ERC2: variants seen among roughly 807,000 people sequenced by gnomAD.
The protein encoded by ERC2 is ELKS/RAB6-interacting/CAST family member 2, also known as ERC protein 2.
ERC2 carries 42 observed loss-of-function variants against 114.8 expected under a neutral mutation model. The ratio of observed to expected loss-of-function variants is 0.37; its 90% CI spans 0.29 to 0.47. The LOEUF is 0.47. Ranked by LOEUF, ERC2 falls within the 20% of genes least tolerant of loss-of-function variation. The pLI, the probability that ERC2 is intolerant of heterozygous loss-of-function variation, is 0.99. For synonymous variants in ERC2, 454 were observed against 425.5 expected, an observed-to-expected ratio of 1.07 and a Z score of -0.82; for missense variants, 939 against 1,150.7, an observed-to-expected ratio of 0.82 and a Z score of 2.66.
intron 14 of ERC2, among the ~76,000 whole-genome samples, chr3:55,773,759 C>T (rs2068398973): frequency 1.3e-5 from 2 of 152,154 alleles, no homozygotes; most frequent in Admixed American, 1.3e-4. Context: ...ACAGGTGTTC[C>T]TGGGAAAGGC....
intron 17 of ERC2, among the ~76,000 whole-genome samples, chr3:55,621,952 G>T (rs1301743094): frequency 6.6e-6 from 1 of 152,164 alleles, no homozygotes; most frequent in African/African-American, 2.4e-5. Flanking sequence ...GTGGGACTTT[G>T]TATTCACATG....
intron 6 of ERC2, among the ~76,000 whole-genome samples, chr3:56,091,973 C>A (rs73089265): frequency 0.13 from 20,089 of 150,088 alleles, 1,434 homozygotes; most frequent in East Asian, 0.16. Context: ...AGAAAAAAAA[C>A]CTATATTATA....
In ERC2 at chr3:55,509,591, A is replaced by G. The variant is rs2051951890; in HGVS notation, c.*1725T>C. The G allele has an allele frequency of 1.3e-5, 2 of 152,756 alleles. No homozygotes were observed. The highest frequency in any genetic ancestry group is 4.8e-5 in the African/African-American group (2 of 41,586). The allele number at this position is 152,756 out of a possible 1,614,324, so 9.5% of individuals were successfully genotyped here. A position where few individuals can be genotyped will look rare whatever the true frequency, so the allele number is the denominator to read the frequency against. ...ACTTACTGATGACAAGAACAAAGCC[A>G]GAAGCAAGAAACCTGCTTGAGTATC... On this transcript the variant is annotated 3_prime_UTR_variant, in exon 18 of 18. Coordinates refer to ENST00000288221, the MANE Select transcript of ERC2 (RefSeq NM_015576.3).
At chr3:55,754,518 A>C (rs966248663) in intron 14 of ERC2, among the ~76,000 whole-genome samples, 1 of 123,360 alleles carries the variant, frequency 8.1e-6, no homozygotes, top group Non-Finnish European at 1.9e-5. Flanking sequence ...AAAGGATTAA[A>C]GAAGTAGCAA....
intron 6 of ERC2, among the ~76,000 whole-genome samples, chr3:56,083,535 T>C (rs2077348773): frequency 6.6e-6 from 1 of 152,092 alleles, no homozygotes; most frequent in African/African-American, 2.4e-5. Flanking sequence ...ATTTATACTT[T>C]GATATAATTA....
intron 17 of ERC2, 141 bp downstream of exon 17, chr3:55,683,653 G>A (rs1576118313): frequency 1.2e-5 from 8 of 675,116 alleles, no homozygotes; most frequent in African/African-American, 1.9e-5. Context: ...GTCAGGGCAC[G>A]CGGACATTCT....
chr3:56,453,980 C>A (rs1233014915), intron 1 of ERC2, among the ~76,000 whole-genome samples: 1 of 152,162 alleles, frequency 6.6e-6, no homozygotes, highest in African/African-American at 2.4e-5. Flanking sequence ...CCCAAGCATG[C>A]CTCCACACCA....
chr3:55,597,435 AT>A (rs2148517107), intron 17 of ERC2, among the ~76,000 whole-genome samples: 1 of 151,024 alleles, frequency 6.6e-6, no homozygotes, highest in African/African-American at 2.4e-5. Flanking sequence ...AAAAAAAAAA[AT>A]GATTTTAGAA....
At chr3:55,710,666 A>G (rs1489667328) in intron 15 of ERC2, among the ~76,000 whole-genome samples, 1 of 152,242 alleles carries the variant, frequency 6.6e-6, no homozygotes, top group East Asian at 1.9e-4. Flanking sequence ...CTGAACAAAA[A>G]TAGATACTAA....
intron 3 of ERC2, among the ~76,000 whole-genome samples, chr3:56,198,587 T>C (rs2150088288): frequency 6.6e-6 from 1 of 152,314 alleles, no homozygotes; most frequent in African/African-American, 2.4e-5. Context: ...CTCAGACTTC[T>C]GACTTGGGAC....
At chr3:56,182,700 C>G (rs1436798020) in intron 3 of ERC2, among the ~76,000 whole-genome samples, 1 of 152,168 alleles carries the variant, frequency 6.6e-6, no homozygotes, top group Non-Finnish European at 1.5e-5. Context: ...TCCAGAGCCA[C>G]TGCTCCTAAT....
chr3:56,015,189 C>T (rs1264813213), intron 8 of ERC2, among the ~76,000 whole-genome samples: 1 of 152,064 alleles, frequency 6.6e-6, no homozygotes, highest in Non-Finnish European at 1.5e-5. Context: ...ACAAAAGCCT[C>T]ATTTTAATTG....
intron 13 of ERC2, among the ~76,000 whole-genome samples, chr3:55,900,691 G>A (rs2064086239): frequency 6.6e-6 from 1 of 152,134 alleles, no homozygotes; most frequent in Admixed American, 6.6e-5. Context: ...ATGTCACCTT[G>A]CTCTTTTAAG....
At chr3:56,364,680 C>A (rs540373736) in intron 2 of ERC2, among the ~76,000 whole-genome samples, 1 of 152,250 alleles carries the variant, frequency 6.6e-6, no homozygotes, top group East Asian at 1.9e-4. Context: ...TTGCTTTGTG[C>A]TACTTTTGTA....
chr3:56,427,955 T>C (rs1336550596), intron 2 of ERC2, among the ~76,000 whole-genome samples: 4 of 152,180 alleles, frequency 2.6e-5, no homozygotes, highest in Admixed American at 6.5e-5. Context: ...GGTGTTACCA[T>C]GGACTGACCA....
chr3:55,836,464 T>C lies in ERC2; in HGVS notation c.2564+51925A>G, dbSNP rs186877462. Among the ~76,000 whole-genome samples, 3 of 152,338 alleles carry C rather than the reference T, an allele frequency of 2.0e-5. No individual in the cohort carries two copies. In the East Asian group the frequency reaches 5.8e-4, roughly 29 times the overall value. ...AAATAATGCCGCTTATCTACAATTA[T>C]ATGATCTTTGACAAACCTGAGAAAA... On this transcript the variant is annotated intron_variant, in intron 14 of 17. Coordinates refer to ENST00000288221, the MANE Select transcript of ERC2 (RefSeq NM_015576.3).
At chr3:56,111,181 G>C (rs559077428) in intron 6 of ERC2, among the ~76,000 whole-genome samples, 3 of 152,248 alleles carry the variant, frequency 2.0e-5, no homozygotes, top group South Asian at 2.1e-4. Flanking sequence ...TTCAGTCCCA[G>C]TGTCTTTAAG....
chr3:56,383,023 T>C (rs1040080840), intron 2 of ERC2, among the ~76,000 whole-genome samples: 4 of 152,102 alleles, frequency 2.6e-5, no homozygotes, highest in Non-Finnish European at 5.9e-5. Flanking sequence ...TTCTTAATTA[T>C]GTTTTTTTTC....
chr3:55,628,327 C>G (rs368460430), intron 17 of ERC2, among the ~76,000 whole-genome samples: 17 of 98,218 alleles, frequency 1.7e-4, no homozygotes, highest in African/African-American at 8.1e-4. Flanking sequence ...TGAAATATGA[C>G]TAGTGTGACT....
Sources: gnomAD v4.1 joint callset for allele counts (sites outside exome capture counted in the v4.1 genomes callset) on GRCh38, gnomAD v4.1.1 for gene constraint, MANE v1.5 for transcripts, NCBI Gene and HGNC (gene_info 2026-07-23, HGNC 2026-07-21) for gene names.